Variants in CCNH observed in about 807,000 individuals in gnomAD.
CCNH encodes the protein cyclin-H.
Under a neutral mutation model 41.9 loss-of-function variants are expected in CCNH, and 31 were observed. The observed-to-expected ratio is 0.74, with a 90% CI of 0.56 to 1.00. The LOEUF is 1.00. Ranked by LOEUF, CCNH falls within the 50% of genes least tolerant of loss-of-function variation. The pLI, the probability that CCNH is intolerant of heterozygous loss-of-function variation, is 0.00. For missense variants in CCNH, 362 were observed against 388.4 expected (o/e 0.93, Z 0.57); for synonymous variants, 138 against 136.1 (o/e 1.01, Z -0.10).
intron 9 of CCNH, among the ~76,000 whole-genome samples, chr5:87,364,538 C>T (rs1760360327): frequency 6.6e-6 from 1 of 151,924 alleles, no homozygotes; most frequent in African/African-American, 2.4e-5. Context: ...TCACTGATAC[C>T]TCATAAAGAG....
intron 9 of CCNH, among the ~76,000 whole-genome samples, chr5:87,323,689 T>C (rs545652932): frequency 3.3e-5 from 5 of 152,308 alleles, no homozygotes; most frequent in Non-Finnish European, 5.9e-5. Context: ...GGTATTGTTA[T>C]GGCTATATAT....
intron 4 of CCNH, among the ~76,000 whole-genome samples, chr5:87,406,206 G>T (rs1320865155): frequency 1.3e-5 from 2 of 152,080 alleles, no homozygotes; most frequent in Non-Finnish European, 2.9e-5. Context: ...AAGAGAAAGA[G>T]CTATTATTCC....
the CCNH span, among the ~76,000 whole-genome samples, chr5:87,313,384 A>G: frequency 6.6e-6 from 1 of 152,198 alleles, no homozygotes; most frequent in Admixed American, 6.5e-5. Flanking sequence ...GGGCTTTACC[A>G]AGAAAAAGAG....
At chr5:87,389,291 A>G (rs189131633), downstream of CCNH, 281 of 1,460,718 alleles carry the variant, frequency 1.9e-4, 2 homozygotes, top group African/African-American at 3.0e-3. Flanking sequence ...AGATCATGCC[A>G]TTGCATTTCA....
downstream of CCNH, chr5:87,376,180 A>C: frequency 1.7e-6 from 1 of 600,868 alleles, no homozygotes; most frequent in African/African-American, 1.9e-5. Context: ...AACACATCTC[A>C]ATCATCTCTG....
chr5:87,330,857 A>T (rs186610578), intron 9 of CCNH: 1 of 764,084 alleles, frequency 1.3e-6, no homozygotes, highest in African/African-American at 1.8e-5. Flanking sequence ...TTAAAATAGC[A>T]TCCTTTAGAC....
At position 87,412,878 on chromosome 5, in the gene CCNH, A is replaced by G; in HGVS notation, c.-84T>C. 6.4e-7 allele frequency: 1 copy of G among 1,550,676 alleles called. No homozygotes were observed. ...CCTGGCGTAAAACACCCGTACCCCC[A>G]CCGAAGATCTCGCGGAAGCCTAGGG... On this transcript the variant is annotated 5_prime_UTR_variant, in exon 1 of 9. Transcript: ENST00000256897.
At chr5:87,390,940 TCA>T, downstream of CCNH, 1 of 1,506,720 alleles carries the variant, frequency 6.6e-7, no homozygotes, top group African/African-American at 1.4e-5. Context: ...GTAATTCACT[TCA>T]GTTTAATGTC....
At chr5:87,320,845 C>T (rs1006344952) in intron 9 of CCNH, among the ~76,000 whole-genome samples, 1 of 152,192 alleles carries the variant, frequency 6.6e-6, no homozygotes, top group East Asian at 1.9e-4. Flanking sequence ...ATGATGACTG[C>T]ATTGTGAAAA....
downstream of CCNH, among the ~76,000 whole-genome samples, chr5:87,314,815 C>G (rs962311717): frequency 1.3e-5 from 2 of 151,976 alleles, no homozygotes; most frequent in Admixed American, 6.6e-5. Flanking sequence ...GGTGGAAATG[C>G]AATTCTGTCT....
intron 9 of CCNH, among the ~76,000 whole-genome samples, chr5:87,329,966 G>A (rs1017908721): frequency 1.1e-4 from 16 of 152,072 alleles, no homozygotes; most frequent in Admixed American, 2.6e-4. Context: ...AAATTTACTT[G>A]TCATTTGTCT....
chr5:87,331,582 T>C (rs1377898773), intron 9 of CCNH: 3 of 1,453,088 alleles, frequency 2.1e-6, no homozygotes, highest in Non-Finnish European at 2.9e-6. Flanking sequence ...ATAATAAAGG[T>C]GAATGACTCA....
downstream of CCNH, among the ~76,000 whole-genome samples, chr5:87,389,023 A>C (rs1762267956): frequency 6.6e-6 from 1 of 152,224 alleles, no homozygotes; most frequent in African/African-American, 2.4e-5. Flanking sequence ...AAAGGTTACA[A>C]AGTCTATATT....
intron 9 of CCNH, chr5:87,383,662 T>G: frequency 7.4e-7 from 1 of 1,347,498 alleles, no homozygotes; most frequent in Non-Finnish European, 1.0e-6. Context: ...ATGTAACACA[T>G]TATATAGGTG....
At chr5:87,318,421 A>G (rs987619781) in exon 10 of CCNH, 1 of 152,320 alleles carries the variant, frequency 6.6e-6, no homozygotes, top group African/African-American at 2.4e-5. Flanking sequence ...TGGGTAGTTT[A>G]TAAAGAAGCA....
intron 9 of CCNH, among the ~76,000 whole-genome samples, chr5:87,348,294 T>A (rs1029710183): frequency 6.6e-6 from 1 of 151,968 alleles, no homozygotes; most frequent in African/African-American, 2.4e-5. Context: ...TATTAGTAAT[T>A]TACCCCTCAA....
chr5:87,353,306 C>A, intron 9 of CCNH: 1 of 1,221,242 alleles, frequency 8.2e-7, no homozygotes, highest in Non-Finnish European at 1.2e-6. Context: ...TATGTTTTTG[C>A]ACACATTTGT....
At chr5:87,411,074 G>T in intron 2 of CCNH, 150 bp downstream of exon 2, 1 of 674,870 alleles carries the variant, frequency 1.5e-6, no homozygotes, top group Non-Finnish European at 2.3e-6. Context: ...CATGATTTAA[G>T]GCCTGTATTG....
intron 6 of CCNH, among the ~76,000 whole-genome samples, chr5:87,400,304 A>G (rs1460047045): frequency 6.6e-6 from 1 of 152,232 alleles, no homozygotes; most frequent in African/African-American, 2.4e-5. Flanking sequence ...ATGTTCCAAA[A>G]ATTACAAATA....
Sources: gnomAD v4.1 joint callset for allele counts (sites outside exome capture counted in the v4.1 genomes callset) on GRCh38, gnomAD v4.1.1 for gene constraint, MANE v1.5 for transcripts, NCBI Gene and HGNC (gene_info 2026-07-23, HGNC 2026-07-21) for gene names.